The following PCMTD2 variants were observed in gnomAD, a reference collection of about 807,000 sequenced individuals.
PCMTD2 encodes the protein protein-L-isoaspartate (D-aspartate) O-methyltransferase domain containing 2, also known as protein-L-isoaspartate O-methyltransferase domain-containing protein 2.
Under a neutral mutation model 33.4 loss-of-function variants are expected in PCMTD2, and 16 were observed. The observed-to-expected ratio is 0.48, with a 90% CI of 0.32 to 0.73. PCMTD2 has a LOEUF of 0.73. Ranked by LOEUF, PCMTD2 falls within the 30% of genes least tolerant of loss-of-function variation. The pLI is 0.03. For missense variants in PCMTD2, 374 were observed against 449.9 expected, an observed-to-expected ratio of 0.83 and a Z score of 1.53; for synonymous variants, 161 against 160.8, an observed-to-expected ratio of 1.00 and a Z score of -0.01.
chr20:64,261,656 T>C lies in PCMTD2; in HGVS notation c.307+1384T>C, dbSNP rs145478757. On this transcript the variant is annotated intron_variant, in intron 2 of 5. Coordinates refer to ENST00000308824, the MANE Select transcript of PCMTD2 (RefSeq NM_018257.3). ...GAATTTGGTGAAGTTTTGAGACCGATTATTTTGGCTTTATGCTATAGATTG... is the reference window on the plus strand; with the variant it reads ...GAATTTGGTGAAGTTTTGAGACCGACTATTTTGGCTTTATGCTATAGATTG... 2.0e-5 allele frequency among the ~76,000 whole-genome samples: 3 copies of C among 152,316 alleles called. No individual in the cohort carries two copies. The East Asian group carries it at 5.8e-4, about 29-fold the overall frequency.
At chr20:64,267,706 T>C (rs531567523) in intron 4 of PCMTD2, among the ~76,000 whole-genome samples, 181 bp from the exon 5 acceptor site, 7 of 152,330 alleles carry the variant, frequency 4.6e-5, no homozygotes, top group African/African-American at 1.7e-4. Flanking sequence ...TTAGCATCTT[T>C]GCAGGAATAT....
In PCMTD2 at chr20:64,264,846, C is replaced by G. The variant is rs530458625; in HGVS notation, c.410+315C>G. ...AACAGTATATGTAACTAGCTTTTGC[C>G]ATTTTAAAAGAAGGCATTAAAGTTC... On this transcript the variant is annotated intron_variant, in intron 3 of 5. Transcript: ENST00000308824. Among the ~76,000 whole-genome samples the G allele has an allele frequency of 6.6e-5, 10 of 152,234 alleles. No homozygotes were observed. The South Asian group carries it at 2.1e-3, about 32-fold the overall frequency.
At chr20:64,270,220 G>A (rs62219725) in intron 5 of PCMTD2, among the ~76,000 whole-genome samples, 1 of 149,858 alleles carries the variant, frequency 6.7e-6, no homozygotes, top group South Asian at 2.1e-4. Flanking sequence ...TGCGTGGTGC[G>A]GGGTCATGTG....
At chr20:64,259,640 TC>T (rs1334180302) in intron 1 of PCMTD2, among the ~76,000 whole-genome samples, 1 of 152,186 alleles carries the variant, frequency 6.6e-6, no homozygotes, top group Non-Finnish European at 1.5e-5. Context: ...TCCAACTGCC[TC>T]GGCCTCCCAA....
chr20:64,260,008 A>G lies in PCMTD2; in HGVS notation c.43A>G (p.Ile15Val). ...VSAGEDNDEL[I>V]DNLKEAQYIR... Reference sequence around the variant, plus strand: ...TGCTGGTGAAGACAATGATGAGCTGATAGATAATTTGAAAGAAGCACAGTA... The same window carrying G: ...TGCTGGTGAAGACAATGATGAGCTGGTAGATAATTTGAAAGAAGCACAGTA... Residue 15 changes from isoleucine (I) to valine (V), a missense_variant, in exon 2 of 6, where the codon ATA (isoleucine) becomes GTA (valine). Transcript: ENST00000308824. The G allele has an allele frequency of 1.2e-6, 2 of 1,613,406 alleles. No individual in the cohort carries two copies. Among genetic ancestry groups the G allele is most frequent in the Non-Finnish European group, 1.7e-6 (2 of 1,179,318 alleles).
chr20:64,263,809 C>A (rs926721449), intron 2 of PCMTD2, among the ~76,000 whole-genome samples: 1 of 152,194 alleles, frequency 6.6e-6, no homozygotes, highest in Admixed American at 6.5e-5. Flanking sequence ...TTTTTACCTT[C>A]ATGTAAGTGG....
chr20:64,261,873 C>T (rs779217545), intron 2 of PCMTD2, among the ~76,000 whole-genome samples: 15 of 152,098 alleles, frequency 9.9e-5, no homozygotes, highest in Admixed American at 6.6e-4. Flanking sequence ...TAAGGTAGAA[C>T]CTTGGGGAGA....
rs1249055030 is a variant in PCMTD2, at chr20:64,268,023, A to G, written c.706+13A>G. On this transcript the variant is annotated intron_variant, in intron 5 of 5. Transcript: ENST00000308824. ...CTTGTCCAGTTACGTAAGTATACCA[A>G]TCTTTACTTATTTTATCTTTTAGAT... 22 of 1,587,672 alleles carry G rather than the reference A, an allele frequency of 1.4e-5. No individual in the cohort carries two copies. The highest frequency in any genetic ancestry group is 5.3e-5 in the Admixed American group (3 of 56,356).
rs1209088234 is a variant in PCMTD2 at position 64,273,400 on chromosome 20, G to C, written c.886G>C (p.Glu296Gln). 1 of 1,614,142 alleles carries C rather than the reference G, an allele frequency of 6.2e-7. No homozygotes were observed. The highest frequency in any genetic ancestry group is 1.1e-5 in the South Asian group (1 of 91,080). The change falls in exon 6 of 6, where the codon GAA becomes CAA. Residue 296 changes from glutamate to glutamine, a missense_variant. Glu to Gln is a conservative substitution (Grantham distance 29). Coordinates refer to ENST00000308824, the MANE Select transcript of PCMTD2 (RefSeq NM_018257.3). ...RMETIVFLDKEVFASRISNPS... is the reference protein window; with the variant it reads ...RMETIVFLDKQVFASRISNPS... Reference sequence around the variant, plus strand: ...GGAAACGATTGTCTTTTTGGACAAAGAAGTCTTTGCCAGTCGGATTTCCAA... The same window carrying C: ...GGAAACGATTGTCTTTTTGGACAAACAAGTCTTTGCCAGTCGGATTTCCAA...
intron 4 of PCMTD2, among the ~76,000 whole-genome samples, chr20:64,266,889 A>G (rs969164712): frequency 2.0e-5 from 3 of 152,206 alleles, no homozygotes; most frequent in African/African-American, 7.2e-5. Context: ...TATTGATTCT[A>G]TTGAAATACT....
At chr20:64,265,837 T>C (rs1301492673) in intron 4 of PCMTD2, among the ~76,000 whole-genome samples, 1 of 152,224 alleles carries the variant, frequency 6.6e-6, no homozygotes, top group East Asian at 1.9e-4. Context: ...ATTAGTCTAA[T>C]TGTTACATGC....
Position 64,273,441 on chromosome 20 carries a change from C to T in PCMTD2, c.927C>T (p.Asn309=). The stretch of plus-strand genomic sequence containing the variant: ...GGATTTCCAACCCCTCAGATGACAA[C>T]AGCTGTGAAGACTTGGAAGAGGAAC... ...ASRISNPSDD[N]SCEDLEEERR... Residue 309 remains asparagine, a synonymous_variant, in exon 6 of 6, where the codon AAC becomes AAT. Coordinates refer to ENST00000308824, the MANE Select transcript of PCMTD2 (RefSeq NM_018257.3). The T allele has an allele frequency of 6.2e-7, 1 of 1,613,978 alleles. No individual in the cohort carries two copies. The highest frequency in any genetic ancestry group is 1.1e-5 in the South Asian group (1 of 91,068).
chr20:64,266,777 C>T (rs961276122), intron 4 of PCMTD2, among the ~76,000 whole-genome samples: 2 of 152,068 alleles, frequency 1.3e-5, no homozygotes, highest in Admixed American at 6.5e-5. Flanking sequence ...TGTATCATCT[C>T]GATAATTTGA....
intron 5 of PCMTD2, among the ~76,000 whole-genome samples, chr20:64,268,644 C>T (rs942776152): frequency 2.0e-5 from 3 of 151,706 alleles, no homozygotes; most frequent in African/African-American, 7.3e-5. Context: ...TAAAATAAAA[C>T]TATCAGGATG....
intron 2 of PCMTD2, among the ~76,000 whole-genome samples, chr20:64,262,130 T>C (rs1273783956): frequency 6.6e-6 from 1 of 152,088 alleles, no homozygotes; most frequent in Admixed American, 6.5e-5. Context: ...GGTGCACACC[T>C]ATAATCCCAG....
In PCMTD2 at chr20:64,264,524, T is replaced by C; in HGVS notation, c.403T>C (p.Phe135Leu). 1 of 1,516,626 alleles carries C rather than the reference T, an allele frequency of 6.6e-7. No homozygotes were observed. The highest frequency in any genetic ancestry group is 1.1e-5 in the South Asian group (1 of 89,064). The allele number at this position is 1,516,626 out of a possible 1,614,324, so 93.9% of individuals were successfully genotyped here. Residue 135 changes from phenylalanine to leucine, a missense_variant, in exon 3 of 6, where the codon TTT (phenylalanine) becomes CTT (leucine). Physicochemically the swap from Phe to Leu is conservative, Grantham distance 22. Coordinates refer to ENST00000308824, the MANE Select transcript of PCMTD2 (RefSeq NM_018257.3). ...CTTCTTCATCAGAACAAGTGATAGT[T>C]TTGACAAGTAAGATGAAATACTATC... is the stretch of plus-strand genomic sequence containing the variant. ...LDFFIRTSDSFDKFDFCEPSF... is the reference protein window; with the variant it reads ...LDFFIRTSDSLDKFDFCEPSF...
intron 2 of PCMTD2, among the ~76,000 whole-genome samples, 192 bp from the exon 3 acceptor site, chr20:64,264,237 T>C (rs1985556375): frequency 6.6e-6 from 1 of 152,236 alleles, no homozygotes; most frequent in African/African-American, 2.4e-5. Flanking sequence ...TTTAAAAGTT[T>C]GTGAGCAGAG....
chr20:64,262,925 T>TG (rs1462692435), intron 2 of PCMTD2: 6 of 152,308 alleles, frequency 3.9e-5, no homozygotes, highest in African/African-American at 1.4e-4. Flanking sequence ...GAGTCCCAGG[T>TG]GCCGTGTTCC....
At chr20:64,271,575 G>A (rs1209990784) in intron 5 of PCMTD2, 1 of 152,696 alleles carries the variant, frequency 6.5e-6, no homozygotes, top group Non-Finnish European at 1.5e-5. Flanking sequence ...GACTGGAGTA[G>A]AACCTGGGGA....
Sources: allele counts gnomAD v4.1 joint callset (sites outside exome capture counted in the v4.1 genomes callset), GRCh38; gene constraint gnomAD v4.1.1; transcripts MANE v1.5; gene names NCBI Gene and HGNC (gene_info 2026-07-23, HGNC 2026-07-21).